NAALADL2: variants seen among roughly 807,000 people sequenced by gnomAD.
The protein encoded by NAALADL2 is N-acetylated alpha-linked acidic dipeptidase like 2, also known as inactive N-acetylated-alpha-linked acidic dipeptidase-like protein 2.
A neutral mutation model predicts 87.2 loss-of-function variants in NAALADL2; 76 were observed. The observed-to-expected ratio is 0.87, with a 90% CI of 0.72 to 1.05. The LOEUF is 1.05. Ranked by LOEUF, NAALADL2 falls within the 50% of genes least tolerant of loss-of-function variation. The pLI, the probability that NAALADL2 is intolerant of heterozygous loss-of-function variation, is 0.00. For synonymous variants in NAALADL2, 354 were observed against 331.0 expected (o/e 1.07, Z -0.75); for missense variants, 1,089 against 945.8 (o/e 1.15, Z -1.99).
chr3:174,888,917 A>G (rs1730534957), intron 1 of NAALADL2, among the ~76,000 whole-genome samples: 1 of 152,184 alleles, frequency 6.6e-6, no homozygotes, highest in Admixed American at 6.5e-5. Flanking sequence ...TGACAATAAA[A>G]CCATTTGATT....
chr3:175,770,399 A>G (rs947382594), intron 13 of NAALADL2, among the ~76,000 whole-genome samples: 3 of 152,210 alleles, frequency 2.0e-5, no homozygotes, highest in Admixed American at 2.0e-4. Context: ...CTCAAATAAT[A>G]TGATTGACAA....
At chr3:174,997,068 T>TCCACTCGTTGGTCCA in intron 1 of NAALADL2, among the ~76,000 whole-genome samples, 1 of 149,964 alleles carries the variant, frequency 6.7e-6, no homozygotes, top group African/African-American at 2.5e-5. Context: ...ATTTTTTTTT[T>TCCACTCGTTGGTCCA]TAATCCACTC....
intron 1 of NAALADL2, among the ~76,000 whole-genome samples, chr3:174,498,801 C>G (rs561546589): frequency 1.5e-3 from 223 of 151,814 alleles, no homozygotes; most frequent in Non-Finnish European, 2.7e-3. Context: ...ATAGTGGTAT[C>G]CCTTTGTGGT....
intron 1 of NAALADL2, among the ~76,000 whole-genome samples, chr3:174,993,721 C>T (rs1747052410): frequency 6.6e-6 from 1 of 152,136 alleles, no homozygotes; most frequent in African/African-American, 2.4e-5. Context: ...AGTAGCTTCC[C>T]AGGATTGTGA....
At chr3:174,590,013 A>T (rs1370759265) in intron 2 of NAALADL2, among the ~76,000 whole-genome samples, 35 of 152,082 alleles carry the variant, frequency 2.3e-4, no homozygotes, top group Non-Finnish European at 1.5e-5. Context: ...AGATTTTCCC[A>T]CTGTACCTGA....
intron 2 of NAALADL2, among the ~76,000 whole-genome samples, chr3:175,116,014 G>A (rs1432190428): frequency 6.6e-6 from 1 of 151,802 alleles, no homozygotes; most frequent in African/African-American, 2.4e-5. Flanking sequence ...ATGCAGAAAA[G>A]GCCTTCGACA....
chr3:175,390,025 A>T (rs1768883877), intron 5 of NAALADL2, among the ~76,000 whole-genome samples: 1 of 152,198 alleles, frequency 6.6e-6, no homozygotes, highest in Non-Finnish European at 1.5e-5. Context: ...GGAATAAGGA[A>T]TAAGATTTAT....
chr3:175,156,760 CACAT>C (rs1205518389), intron 2 of NAALADL2, among the ~76,000 whole-genome samples: 2 of 152,046 alleles, frequency 1.3e-5, no homozygotes, highest in Non-Finnish European at 2.9e-5. Context: ...TTGTGGGTAT[CACAT>C]ACATAGGTTT....
At chr3:175,361,053 G>GTTCC (rs993961447) in intron 5 of NAALADL2, among the ~76,000 whole-genome samples, 4 of 149,618 alleles carry the variant, frequency 2.7e-5, no homozygotes, top group Non-Finnish European at 5.9e-5. Flanking sequence ...AGTGTGTGAT[G>GTTCC]TTCCCCATCC....
intron 3 of NAALADL2, among the ~76,000 whole-genome samples, chr3:174,777,793 G>A (rs1209737040): frequency 6.6e-6 from 1 of 152,052 alleles, no homozygotes; most frequent in Non-Finnish European, 1.5e-5. Flanking sequence ...TGTTTCTACT[G>A]AACCTCTCCT....
chr3:175,717,938 A>T (rs1458435468), intron 11 of NAALADL2, among the ~76,000 whole-genome samples: 4 of 151,124 alleles, frequency 2.6e-5, no homozygotes, highest in Non-Finnish European at 2.9e-5. Context: ...GCCTCCAGAG[A>T]AGCTGGGATT....
chr3:174,756,306 T>C (rs1712070870), intron 3 of NAALADL2, among the ~76,000 whole-genome samples: 2 of 152,338 alleles, frequency 1.3e-5, no homozygotes, highest in East Asian at 1.9e-4. Flanking sequence ...TATTCAGTAA[T>C]GTTCTGTCTT....
At chr3:174,914,502 T>C (rs987387959) in intron 1 of NAALADL2, among the ~76,000 whole-genome samples, 2 of 152,188 alleles carry the variant, frequency 1.3e-5, no homozygotes, top group Non-Finnish European at 2.9e-5. Flanking sequence ...AGACTTTGAG[T>C]AAATTACTTA....
At chr3:175,796,509 G>A (rs1189075370) in intron 13 of NAALADL2, among the ~76,000 whole-genome samples, 1 of 152,172 alleles carries the variant, frequency 6.6e-6, no homozygotes, top group Non-Finnish European at 1.5e-5. Flanking sequence ...CAAAGGATAT[G>A]TGTAGTATAA....
intron 5 of NAALADL2, among the ~76,000 whole-genome samples, chr3:175,388,295 G>A (rs1338015840): frequency 6.6e-6 from 1 of 151,974 alleles, no homozygotes; most frequent in East Asian, 1.9e-4. Context: ...CAATATACAT[G>A]ATTTTCTATC....
intron 10 of NAALADL2, among the ~76,000 whole-genome samples, chr3:175,619,236 A>AAGGAAGG (rs1560860663): frequency 2.1e-5 from 3 of 142,312 alleles, no homozygotes; most frequent in South Asian, 2.3e-4. Flanking sequence ...AGAAAGAAAG[A>AAGGAAGG]AAGGAAGGAA....
chr3:174,584,180 AG>A (rs1159983477), intron 2 of NAALADL2, among the ~76,000 whole-genome samples: 1 of 152,184 alleles, frequency 6.6e-6, no homozygotes, highest in African/African-American at 2.4e-5. Context: ...TTGAAGAATC[AG>A]GCATGTGTGG....
intron 5 of NAALADL2, among the ~76,000 whole-genome samples, chr3:175,411,950 A>G (rs1713603935): frequency 6.6e-6 from 1 of 151,984 alleles, no homozygotes; most frequent in Non-Finnish European, 1.5e-5. Context: ...GAGTCAAATT[A>G]TGAGATCACA....
At chr3:174,709,534 C>T (rs1332836730) in intron 2 of NAALADL2, among the ~76,000 whole-genome samples, 2 of 152,022 alleles carry the variant, frequency 1.3e-5, no homozygotes, top group Non-Finnish European at 2.9e-5. Context: ...AATTTGTATT[C>T]TTAAGGTGAT....
Sources: allele counts gnomAD v4.1 joint callset (sites outside exome capture counted in the v4.1 genomes callset), GRCh38; gene constraint gnomAD v4.1.1; transcripts MANE v1.5; gene names NCBI Gene and HGNC (gene_info 2026-07-23, HGNC 2026-07-21).